MMP26: variants seen among roughly 807,000 people sequenced by gnomAD.
MMP26 encodes the protein matrix metallopeptidase 26, also known as matrix metalloproteinase-26.
Under a neutral mutation model 31.0 loss-of-function variants are expected in MMP26, and 33 were observed. The observed-to-expected ratio is 1.06, with a 90% CI of 0.81 to 1.42. The LOEUF (loss-of-function observed/expected upper bound fraction) is 1.42. MMP26 is among the 40% of genes most tolerant of loss of function. The probability of loss-of-function intolerance (pLI) is 0.00; values close to 1 mark genes in which losing one functional copy is unlikely to be tolerated. For synonymous variants in MMP26, 122 were observed against 114.9 expected (o/e 1.06, Z -0.40); for missense variants, 347 against 316.1 (o/e 1.10, Z -0.74).
At chr11:4,986,905 T>TCCTTTCTCTC (rs1846899080) in intron 2 of MMP26, among the ~76,000 whole-genome samples, 1 of 48,646 alleles carries the variant, frequency 2.1e-5, no homozygotes, top group Non-Finnish European at 3.9e-5. Flanking sequence ...CTTCCTTCCT[T>TCCTTTCTCTC]TCTCTCTCTC....
chr11:4,806,475 A>G (rs551089944), intron 2 of MMP26, among the ~76,000 whole-genome samples: 121 of 152,116 alleles, frequency 8.0e-4, no homozygotes, highest in African/African-American at 2.8e-3. Context: ...ACCATTATGT[A>G]ATGGGCTTCT....
chr11:4,799,540 T>C (rs2133450309), intron 2 of MMP26, among the ~76,000 whole-genome samples: 1 of 152,160 alleles, frequency 6.6e-6, no homozygotes, highest in East Asian at 1.9e-4. Context: ...ATTTGGAGGG[T>C]ACAAACATCC....
intron 2 of MMP26, among the ~76,000 whole-genome samples, chr11:4,874,460 TAAAG>T (rs1850352830): frequency 6.6e-6 from 1 of 152,040 alleles, no homozygotes; most frequent in African/African-American, 2.4e-5. Context: ...AATAATTTCT[TAAAG>T]AAAGAGTTCT....
chr11:4,741,974 T>C (rs1329586808), intron 1 of MMP26, among the ~76,000 whole-genome samples: 1 of 152,172 alleles, frequency 6.6e-6, no homozygotes, highest in Non-Finnish European at 1.5e-5. Context: ...TTACATTTGA[T>C]CTGTGCGCCA....
chr11:4,968,116 T>C (rs533019441), intron 2 of MMP26, among the ~76,000 whole-genome samples: 129 of 152,146 alleles, frequency 8.5e-4, no homozygotes, highest in Non-Finnish European at 1.6e-3. Flanking sequence ...ACAAGATATT[T>C]GGTTGCTTCT....
At chr11:4,728,050 TAGG>T (rs1277242927) in intron 1 of MMP26, among the ~76,000 whole-genome samples, 2 of 152,150 alleles carry the variant, frequency 1.3e-5, no homozygotes, top group Admixed American at 6.5e-5. Context: ...AGGTATGTAT[TAGG>T]AGGTCTAAAT....
chr11:4,896,614 A>G (rs766179912), intron 2 of MMP26, among the ~76,000 whole-genome samples: 2 of 152,174 alleles, frequency 1.3e-5, no homozygotes, highest in Non-Finnish European at 2.9e-5. Flanking sequence ...CCCTAGATTA[A>G]TCGATATATT....
chr11:4,821,700 AATC>A, intron 2 of MMP26: 1 of 1,613,946 alleles, frequency 6.2e-7, no homozygotes, highest in South Asian at 1.1e-5. Context: ...AAGCCCGAGA[AATC>A]AACCTAAATG....
At chr11:4,778,855 A>T (rs1004650047) in intron 2 of MMP26, among the ~76,000 whole-genome samples, 23 of 152,166 alleles carry the variant, frequency 1.5e-4, no homozygotes, top group Non-Finnish European at 3.1e-4. Context: ...TTTAAATAAT[A>T]TCATCTTAGA....
intron 1 of MMP26, among the ~76,000 whole-genome samples, chr11:4,766,663 T>C (rs1174197743): frequency 6.6e-6 from 1 of 151,218 alleles, no homozygotes; most frequent in Non-Finnish European, 1.5e-5. Flanking sequence ...CTTATTTAAG[T>C]TACATCCTTA....
At chr11:4,743,791 A>G (rs1329194681) in intron 1 of MMP26, among the ~76,000 whole-genome samples, 4 of 152,088 alleles carry the variant, frequency 2.6e-5, no homozygotes, top group African/African-American at 7.2e-5. Context: ...AGTCAAATTC[A>G]ATTTTTGGAC....
At position 4,988,949 on chromosome 11, in the gene MMP26, T is replaced by A. The variant is rs1314995650; in HGVS notation, c.99+639T>A. ...GGCATAAAAATGCAGTCATATAATT[T>A]AAAAAAAACAGTCAATAGGTTTACG... is the stretch of plus-strand genomic sequence containing the variant. On this transcript the variant is annotated intron_variant, in intron 3 of 7. Transcript: ENST00000380390. 2.6e-5 allele frequency among the ~76,000 whole-genome samples: 4 copies of A among 151,934 alleles called. No individual in the cohort carries two copies. The East Asian group carries it at 7.7e-4, about 29-fold the overall frequency.
intron 2 of MMP26, among the ~76,000 whole-genome samples, chr11:4,883,038 T>A (rs1410845901): frequency 6.6e-6 from 1 of 152,152 alleles, no homozygotes; most frequent in East Asian, 1.9e-4. Context: ...CAAAGAGTTT[T>A]ATTTTTAATT....
At chr11:4,836,247 A>C (rs1185910625) in intron 2 of MMP26, among the ~76,000 whole-genome samples, 2 of 152,046 alleles carry the variant, frequency 1.3e-5, no homozygotes, top group Non-Finnish European at 2.9e-5. Flanking sequence ...TCATTCCTAA[A>C]AAGATCTGCA....
chr11:4,922,356 A>G (rs71480740), intron 2 of MMP26, among the ~76,000 whole-genome samples: 13,490 of 138,502 alleles, frequency 0.097, 801 homozygotes, highest in Non-Finnish European at 0.12. Flanking sequence ...TCATGACTCC[A>G]CATAAAGTCA....
chr11:4,859,715 G>A (rs1225263960), intron 2 of MMP26: 1 of 470,946 alleles, frequency 2.1e-6, no homozygotes, highest in African/African-American at 2.0e-5. Flanking sequence ...GGGAGCAGTA[G>A]GTATATATCA....
chr11:4,718,274 C>G (rs1331300148), intron 1 of MMP26, among the ~76,000 whole-genome samples: 1 of 152,148 alleles, frequency 6.6e-6, no homozygotes, highest in African/African-American at 2.4e-5. Flanking sequence ...TCATACAACC[C>G]TTTGAACACA....
intron 1 of MMP26, among the ~76,000 whole-genome samples, chr11:4,762,615 T>C (rs193023125): frequency 4.6e-5 from 7 of 152,286 alleles, no homozygotes; most frequent in Admixed American, 1.3e-4. Context: ...GCAGCTATCA[T>C]CAGGTAGTAT....
At chr11:4,860,348 C>T (rs895183413) in intron 2 of MMP26, 4 of 471,080 alleles carry the variant, frequency 8.5e-6, no homozygotes, top group African/African-American at 4.0e-5. Flanking sequence ...GAGAGACTAA[C>T]GTCAGTGAGA....
Sources: allele counts gnomAD v4.1 joint callset (sites outside exome capture counted in the v4.1 genomes callset), GRCh38; gene constraint gnomAD v4.1.1; transcripts MANE v1.5; gene names NCBI Gene and HGNC (gene_info 2026-07-23, HGNC 2026-07-21).